RPTOR: variants seen among roughly 807,000 people sequenced by gnomAD.
The protein encoded by RPTOR is regulatory associated protein of MTOR complex 1, also known as regulatory-associated protein of mTOR.
In RPTOR, 21 loss-of-function variants were observed where a neutral mutation model predicts 169.9. That is an observed-to-expected ratio of 0.12 (90% CI 0.09 to 0.18). The LOEUF (loss-of-function observed/expected upper bound fraction) is 0.18. RPTOR is among the 10% of genes least tolerant of loss of function. RPTOR has a pLI of 1.00. For synonymous variants in RPTOR, 732 were observed against 753.2 expected (o/e 0.97, Z 0.46); for missense variants, 1,133 against 1,855.9 (o/e 0.61, Z 7.16).
intron 5 of RPTOR, among the ~76,000 whole-genome samples, chr17:80,739,065 A>G (rs544969811): frequency 2.2e-5 from 2 of 89,672 alleles, no homozygotes; most frequent in Admixed American, 2.0e-4. Flanking sequence ...GATGGCCAGC[A>G]CCATGGGTTG....
chr17:80,570,397 T>G (rs1410545666), intron 1 of RPTOR, among the ~76,000 whole-genome samples: 1 of 152,166 alleles, frequency 6.6e-6, no homozygotes, highest in Non-Finnish European at 1.5e-5. Flanking sequence ...GATAGATGAA[T>G]GATGCGTGAC....
chr17:80,727,906 A>T (rs1253534290), intron 4 of RPTOR, among the ~76,000 whole-genome samples: 1 of 152,230 alleles, frequency 6.6e-6, no homozygotes, highest in Non-Finnish European at 1.5e-5. Context: ...TCATTAATTT[A>T]CATTCCCACC....
At chr17:80,876,025 G>A (rs369938684) in intron 13 of RPTOR, among the ~76,000 whole-genome samples, 5 of 40,278 alleles carry the variant, frequency 1.2e-4, no homozygotes, top group Admixed American at 2.5e-4. Flanking sequence ...AGCCCGTGCC[G>A]CCCAGGATGT....
chr17:80,899,511 C>T (rs1455429506), intron 20 of RPTOR, among the ~76,000 whole-genome samples: 1 of 152,236 alleles, frequency 6.6e-6, no homozygotes, highest in Admixed American at 6.5e-5. Context: ...CTCTCTAGCG[C>T]CTCCAGCAGG....
chr17:80,676,859 G>A (rs2065864781), intron 3 of RPTOR, among the ~76,000 whole-genome samples: 1 of 152,190 alleles, frequency 6.6e-6, no homozygotes, highest in African/African-American at 2.4e-5. Context: ...AGCGGGACCA[G>A]GCATCCTGAT....
chr17:80,652,945 G>A (rs2065652066), intron 3 of RPTOR, among the ~76,000 whole-genome samples: 3 of 152,108 alleles, frequency 2.0e-5, no homozygotes, highest in Admixed American at 2.0e-4. Context: ...AGTCCTAGTG[G>A]GTATGAAGTG....
rs1055408964 is a variant in RPTOR at position 80,659,083 on chromosome 17, G to A, written c.348+15273G>A. ...GTGCCGAGAGCCACAGGGCTCACCCGTGGAGGGAATCTGAGTCCCGATTGT... is the reference window on the plus strand; with the variant it reads ...GTGCCGAGAGCCACAGGGCTCACCCATGGAGGGAATCTGAGTCCCGATTGT... On this transcript the variant is annotated intron_variant, in intron 3 of 33. Transcript: ENST00000306801. This position sits in a 1 kb window ranked among gnomAD's most constrained non-coding sequence, Gnocchi z 4.3. Among the ~76,000 whole-genome samples, 14 of 152,220 alleles carry A rather than the reference G, an allele frequency of 9.2e-5. No homozygotes were observed. Among genetic ancestry groups the A allele is most frequent in the South Asian group, 2.1e-4 (1 of 4,830 alleles).
At chr17:80,621,321 A>G (rs1275811899) in intron 1 of RPTOR, among the ~76,000 whole-genome samples, 1 of 152,214 alleles carries the variant, frequency 6.6e-6, no homozygotes, top group Non-Finnish European at 1.5e-5. Flanking sequence ...AACTAGAGCT[A>G]CTCATTTGAC....
intron 9 of RPTOR, among the ~76,000 whole-genome samples, chr17:80,829,745 C>A (rs1048251199): frequency 6.6e-6 from 1 of 152,208 alleles, no homozygotes; most frequent in African/African-American, 2.4e-5. Context: ...CCCTCCTGTG[C>A]GTGTCCAAGG....
At chr17:80,885,229 G>T in intron 17 of RPTOR, 81 bp downstream of exon 17, 1 of 1,458,928 alleles carries the variant, frequency 6.9e-7, no homozygotes, top group South Asian at 1.3e-5. Flanking sequence ...GCATGGCCCT[G>T]ACCACAGCAG....
At position 80,960,233 on chromosome 17, in the gene RPTOR, C is replaced by T. The variant is rs777891894; in HGVS notation, c.3605+28C>T. 7 of 1,612,234 alleles carry T rather than the reference C, an allele frequency of 4.3e-6. No homozygotes were observed. The highest frequency in any genetic ancestry group is 1.7e-4 in the Middle Eastern group (1 of 6,056). ...ACCTTGACCCTGTCCTCTCCCTCCC[C>T]GAGTGCTGGCAGGGTACCTTCCAGG... On this transcript the variant is annotated intron_variant, in intron 30 of 33. Transcript: ENST00000306801. The surrounding 1 kb of genome is among the most constrained non-coding windows in gnomAD (Gnocchi z 4.8).
At chr17:80,774,450 C>T (rs1289864185) in intron 6 of RPTOR, 1 of 704,036 alleles carries the variant, frequency 1.4e-6, no homozygotes, top group Non-Finnish European at 1.7e-6. Flanking sequence ...CATAAAACAT[C>T]ACTGTGTTAC....
chr17:80,773,300 C>G (rs1252653526), intron 6 of RPTOR, among the ~76,000 whole-genome samples: 1 of 152,258 alleles, frequency 6.6e-6, no homozygotes, highest in Non-Finnish European at 1.5e-5. Flanking sequence ...GGGGACTTCT[C>G]TGTTCGCACA....
chr17:80,547,572 T>G (rs11870652), intron 1 of RPTOR, among the ~76,000 whole-genome samples: 200 of 152,332 alleles, frequency 1.3e-3, no homozygotes, highest in African/African-American at 4.4e-3. Flanking sequence ...GAAAGTTTGC[T>G]GTATCTGTTT....
At chr17:80,837,021 G>C (rs1567939795) in intron 9 of RPTOR, among the ~76,000 whole-genome samples, 1 of 152,156 alleles carries the variant, frequency 6.6e-6, no homozygotes, top group African/African-American at 2.4e-5. Context: ...AAAGGGCTGT[G>C]GAAGCTGCAG....
At chr17:80,773,624 G>A (rs2066865565) in intron 6 of RPTOR, among the ~76,000 whole-genome samples, 1 of 152,178 alleles carries the variant, frequency 6.6e-6, no homozygotes, top group African/African-American at 2.4e-5. Flanking sequence ...TGGCTGGCTG[G>A]TCTGTTTGTT....
At chr17:80,735,231 A>G (rs1054556190) in intron 5 of RPTOR, among the ~76,000 whole-genome samples, 18 of 152,156 alleles carry the variant, frequency 1.2e-4, no homozygotes, top group Admixed American at 1.3e-4. Flanking sequence ...AACCACATCC[A>G]TTATCGATAG....
At chr17:80,665,997 G>A (rs886148520) in intron 3 of RPTOR, among the ~76,000 whole-genome samples, 2 of 152,172 alleles carry the variant, frequency 1.3e-5, no homozygotes, top group African/African-American at 4.8e-5. Context: ...TCCTGCGTCT[G>A]TTGTGAAATG....
chr17:80,665,400 T>TG (rs2065760568), intron 3 of RPTOR, among the ~76,000 whole-genome samples: 1 of 7,442 alleles, frequency 1.3e-4, no homozygotes. Context: ...TTCCTTTCCT[T>TG]TCCTTTCCTT....
Sources: allele counts gnomAD v4.1 joint callset (sites outside exome capture counted in the v4.1 genomes callset), GRCh38; gene constraint gnomAD v4.1.1; non-coding constraint Gnocchi (gnomAD v3.1); transcripts MANE v1.5; gene names NCBI Gene and HGNC (gene_info 2026-07-23, HGNC 2026-07-21).